COG6: variants seen among roughly 807,000 people sequenced by gnomAD.
COG6 encodes the protein conserved oligomeric Golgi complex subunit 6.
In COG6, 74 loss-of-function variants were observed where a neutral mutation model predicts 88.8. The observed-to-expected ratio is 0.83, with a 90% confidence interval of 0.69 to 1.01. COG6 has a LOEUF of 1.01. Ranked by LOEUF, COG6 falls within the 50% of genes least tolerant of loss-of-function variation. COG6 has a pLI of 0.00. For synonymous variants in COG6, 286 were observed against 278.7 expected, an observed-to-expected ratio of 1.03 and a Z score of -0.26; for missense variants, 800 against 797.9, an observed-to-expected ratio of 1.00 and a Z score of -0.03.
intron 18 of COG6, among the ~76,000 whole-genome samples, chr13:39,766,714 C>T (rs576562554): frequency 6.6e-6 from 1 of 152,294 alleles, no homozygotes; most frequent in African/African-American, 2.4e-5. Flanking sequence ...ACCCCCTCCC[C>T]AAGCTCCCAC....
chr13:39,672,742 T>G (rs929862886), intron 4 of COG6, among the ~76,000 whole-genome samples: 2 of 152,074 alleles, frequency 1.3e-5, no homozygotes, highest in Non-Finnish European at 2.9e-5. Flanking sequence ...CATGTTTTAT[T>G]CCTCTTAGGT....
intron 18 of COG6, among the ~76,000 whole-genome samples, chr13:39,728,517 G>C (rs1471371125): frequency 6.6e-6 from 1 of 151,494 alleles, no homozygotes; most frequent in Non-Finnish European, 1.5e-5. Flanking sequence ...TTCCATTTTA[G>C]GTGAGTGACT....
Position 39,751,058 on chromosome 13 carries a change from C to G in COG6, c.1939C>G (p.Arg647Gly). 3 of 1,613,626 alleles carry G rather than the reference C, an allele frequency of 1.9e-6. No homozygotes were observed. Among genetic ancestry groups the G allele is most frequent in the Non-Finnish European group, 1.7e-6 (2 of 1,179,778 alleles). Residue 647 changes from arginine (R) to glycine (G), a missense_variant, in exon 19 of 19, where the codon CGA becomes GGA. Physicochemically the swap from Arg to Gly is moderately radical, Grantham distance 125 (BLOSUM62 -2). Transcript: ENST00000455146. ...EYKDPENILH[R>G]SPQQVQTLLS Reference sequence around the variant, plus strand: ...CAAAGATCCAGAGAACATTCTTCACCGATCGCCGCAGCAAGTGCAGACGCT... The same window carrying G: ...CAAAGATCCAGAGAACATTCTTCACGGATCGCCGCAGCAAGTGCAGACGCT...
At chr13:39,788,231 A>G in intron 18 of COG6, 1 of 1,198,266 alleles carries the variant, frequency 8.3e-7, no homozygotes, top group Non-Finnish European at 1.2e-6. Context: ...CTGGATGAAT[A>G]TTTATTTCAG....
chr13:39,667,151 A>C (rs1875324697), intron 4 of COG6, among the ~76,000 whole-genome samples: 1 of 152,210 alleles, frequency 6.6e-6, no homozygotes, highest in African/African-American at 2.4e-5. Flanking sequence ...GAAAATATAA[A>C]AATATTGCAC....
At chr13:39,691,824 A>G in intron 11 of COG6, among the ~76,000 whole-genome samples, 1 of 151,904 alleles carries the variant, frequency 6.6e-6, no homozygotes, top group East Asian at 1.9e-4. Flanking sequence ...TTGTAATCCC[A>G]CTCATACAAA....
At chr13:39,686,209 A>G (rs1020084168) in intron 8 of COG6, among the ~76,000 whole-genome samples, 1 of 152,200 alleles carries the variant, frequency 6.6e-6, no homozygotes, top group Non-Finnish European at 1.5e-5. Flanking sequence ...GTATGGTAGA[A>G]TACTGTTTAG....
At chr13:39,756,774 T>C (rs1436554261), downstream of COG6, among the ~76,000 whole-genome samples, 1 of 151,834 alleles carries the variant, frequency 6.6e-6, no homozygotes, top group Non-Finnish European at 1.5e-5. Context: ...GGGGAACATA[T>C]CTGTATCTGG....
chr13:39,752,602 T>G lies in COG6; in HGVS notation c.*1509T>G. ...AAAATTTATTGTGCTTTTTACCTGG[T>G]TTTTTCAAATAAAATATTAAAATAT... is the stretch of plus-strand genomic sequence containing the variant. On this transcript the variant is annotated 3_prime_UTR_variant, in exon 19 of 19. Coordinates refer to ENST00000455146, the MANE Select transcript of COG6 (RefSeq NM_020751.3). 7.9e-7 allele frequency: 1 copy of G among 1,266,320 alleles called. No homozygotes were observed. The highest frequency in any genetic ancestry group is 1.0e-6 in the Non-Finnish European group (1 of 975,786). The allele number at this position is 1,266,320 out of a possible 1,614,324, so 78.4% of individuals were successfully genotyped here.
rs769563642 is a variant in COG6, at chr13:39,655,676, C to G, written c.-51C>G. The G allele has an allele frequency of 1.1e-5, 17 of 1,551,156 alleles. No homozygotes were observed. In the South Asian group the frequency reaches 1.7e-4, roughly 15 times the overall value. On this transcript the variant is annotated 5_prime_UTR_variant, in exon 1 of 19. Transcript: ENST00000455146. ...ACATGCGCAATACTCGCGCTGCCTC[C>G]GTGGTCCCTGCCTGGCTGAGGTGGC...
intron 18 of COG6, among the ~76,000 whole-genome samples, chr13:39,781,820 A>G (rs1881639515): frequency 6.6e-6 from 1 of 152,214 alleles, no homozygotes; most frequent in African/African-American, 2.4e-5. Flanking sequence ...ACATCCAAAT[A>G]TATTTTTCAA....
At chr13:39,692,621 T>C (rs1032850642) in intron 11 of COG6, among the ~76,000 whole-genome samples, 4 of 151,996 alleles carry the variant, frequency 2.6e-5, no homozygotes, top group African/African-American at 9.7e-5. Context: ...CTGTGTCCCC[T>C]TCATGAACAC....
At chr13:39,672,075 C>T (rs1274614463) in intron 4 of COG6, among the ~76,000 whole-genome samples, 2 of 151,934 alleles carry the variant, frequency 1.3e-5, no homozygotes. Flanking sequence ...TTACAGCTGA[C>T]ATTGCCTGTT....
chr13:39,678,163 C>T, intron 5 of COG6: 1 of 398,770 alleles, frequency 2.5e-6, no homozygotes, highest in South Asian at 1.9e-5. Context: ...ACCTCCCAGG[C>T]TCAAGTGATC....
intron 4 of COG6, among the ~76,000 whole-genome samples, chr13:39,665,471 T>A (rs916985782): frequency 6.6e-6 from 1 of 152,198 alleles, no homozygotes; most frequent in Non-Finnish European, 1.5e-5. Flanking sequence ...TTTATTACTT[T>A]TTTTTCACAA....
intron 18 of COG6, among the ~76,000 whole-genome samples, chr13:39,740,792 G>A (rs1017563243): frequency 1.3e-5 from 2 of 152,100 alleles, no homozygotes; most frequent in Non-Finnish European, 2.9e-5. Flanking sequence ...TGGTAATGAA[G>A]AAAAATCAAA....
chr13:39,683,280 T>A (rs943451612), intron 8 of COG6, among the ~76,000 whole-genome samples: 2 of 152,192 alleles, frequency 1.3e-5, no homozygotes, highest in Non-Finnish European at 2.9e-5. Flanking sequence ...CCAGATGCTG[T>A]GTGGCTCAAG....
intron 18 of COG6, among the ~76,000 whole-genome samples, chr13:39,766,210 G>A (rs1205606236): frequency 6.6e-6 from 1 of 152,204 alleles, no homozygotes; most frequent in Non-Finnish European, 1.5e-5. Flanking sequence ...ATGACTCCCA[G>A]CTAACACATT....
chr13:39,757,354 ACCTT>A (rs1354924435), downstream of COG6, among the ~76,000 whole-genome samples: 2 of 152,156 alleles, frequency 1.3e-5, no homozygotes, highest in Non-Finnish European at 2.9e-5. Context: ...TTTATAGCCT[ACCTT>A]AAAGAGAAAG....
Sources: gnomAD v4.1 joint callset for allele counts (sites outside exome capture counted in the v4.1 genomes callset) on GRCh38, gnomAD v4.1.1 for gene constraint, MANE v1.5 for transcripts, NCBI Gene and HGNC (gene_info 2026-07-23, HGNC 2026-07-21) for gene names.